Variants in CCDC88C observed in about 807,000 individuals in gnomAD.
CCDC88C encodes the protein coiled-coil and HOOK domain protein 88C, also known as protein Daple.
CCDC88C carries 131 observed loss-of-function variants against 198.8 expected under a neutral mutation model. That is an observed-to-expected ratio of 0.66 (90% CI 0.57 to 0.76). CCDC88C has a LOEUF of 0.76. CCDC88C is among the 30% of genes least tolerant of loss of function. The pLI, the probability that CCDC88C is intolerant of heterozygous loss-of-function variation, is 0.00. For missense variants in CCDC88C, 2,553 were observed against 2,631.6 expected, an observed-to-expected ratio of 0.97 and a Z score of 0.65; for synonymous variants, 1,166 against 1,114.7, an observed-to-expected ratio of 1.05 and a Z score of -0.92.
intron 12 of CCDC88C, among the ~76,000 whole-genome samples, chr14:91,324,297 G>C (rs898476892): frequency 2.0e-5 from 3 of 152,246 alleles, no homozygotes; most frequent in Non-Finnish European, 4.4e-5. Context: ...CTGGGTCTCC[G>C]GGGCAGCAGC....
chr14:91,337,926 C>G, intron 10 of CCDC88C, 79 bp downstream of exon 10: 1 of 1,562,654 alleles, frequency 6.4e-7, no homozygotes, highest in Non-Finnish European at 8.7e-7. Context: ...TCCAAGCCCC[C>G]AAGGACAGGT....
chr14:91,293,550 G>T (rs1412608042), intron 23 of CCDC88C, among the ~76,000 whole-genome samples: 1 of 20,872 alleles, frequency 4.8e-5, no homozygotes, highest in Non-Finnish European at 9.6e-5. Flanking sequence ...CCACCTTCCT[G>T]TCCCCTCGCC....
rs1893165912 is a variant in CCDC88C, at chr14:91,338,649, A to G, written c.810-79T>C. 1.3e-5 allele frequency: 14 copies of G among 1,087,760 alleles called. No individual in the cohort carries two copies. The East Asian group carries it at 3.6e-4, about 28-fold the overall frequency. The allele number at this position is 1,087,760 out of a possible 1,614,324, so 67.4% of individuals were successfully genotyped here. A position where few individuals can be genotyped will look rare whatever the true frequency, so the allele number is the denominator to read the frequency against. On this transcript the variant is annotated intron_variant, in intron 8 of 29. Coordinates refer to ENST00000389857, the MANE Select transcript of CCDC88C (RefSeq NM_001080414.4). The surrounding 1 kb of genome is among the most constrained non-coding windows in gnomAD (Gnocchi z 4.8). Reference sequence around the variant, plus strand: ...CCCTGGGAGCAGGCTGCCACTTCCTAAAACCTGTGGGAAAAGGAAAGGACT... The same window carrying G: ...CCCTGGGAGCAGGCTGCCACTTCCTGAAACCTGTGGGAAAAGGAAAGGACT...
At chr14:91,380,851 C>T (rs181476464) in intron 3 of CCDC88C, among the ~76,000 whole-genome samples, 4 of 152,266 alleles carry the variant, frequency 2.6e-5, no homozygotes, top group East Asian at 1.9e-4. Flanking sequence ...TTGCACGCCC[C>T]GTATCCTCCC....
intron 10 of CCDC88C, among the ~76,000 whole-genome samples, chr14:91,326,275 G>A (rs371672301): frequency 2.6e-5 from 4 of 151,876 alleles, no homozygotes; most frequent in South Asian, 2.1e-4. Context: ...GTGCAGTGGC[G>A]CGATCTCAGC....
At position 91,352,303 on chromosome 14, in the gene CCDC88C, G is replaced by A. The variant is rs1893848694; in HGVS notation, c.340+7339C>T. On this transcript the variant is annotated intron_variant, in intron 4 of 29. Transcript: ENST00000389857. This position sits in a 1 kb window ranked among gnomAD's most constrained non-coding sequence, Gnocchi z 4.2. ...GCAGATCCGCGGGTGCTTGGAGGCC[G>A]GCGTGTGGGCCGCACTGTGACGCTC... is the stretch of plus-strand genomic sequence containing the variant. Among the ~76,000 whole-genome samples, 1 of 152,294 alleles carries A rather than the reference G, an allele frequency of 6.6e-6. No homozygotes were observed. Among genetic ancestry groups the A allele is most frequent in the African/African-American group, 2.4e-5 (1 of 41,556 alleles).
Position 91,417,752 on chromosome 14 carries a change from G to GGCACAAAACGGCTCCGCA in CCDC88C, c.-80_-63dup. 7.4e-7 allele frequency: 1 copy of GGCACAAAACGGCTCCGCA among 1,342,732 alleles called. No homozygotes were observed. Among genetic ancestry groups the GGCACAAAACGGCTCCGCA allele is most frequent in the South Asian group, 1.5e-5 (1 of 68,058 alleles). 83.2% of individuals were successfully genotyped at this position (1,342,732 alleles called of 1,614,324 possible). On this transcript the variant is annotated 5_prime_UTR_variant, in exon 1 of 30. Transcript: ENST00000389857. Reference sequence around the variant, plus strand: ...CCGCGTCCCCGTTCCCCCGCGCCGCGGCACAAAACGGCTCCGCAGCGAGCA... The same window carrying GGCACAAAACGGCTCCGCA: ...CCGCGTCCCCGTTCCCCCGCGCCGCGGCACAAAACGGCTCCGCAGCACAAAACGGCTCCGCAGCGAGCA...
intron 22 of CCDC88C, 64 bp from the exon 23 acceptor site, chr14:91,294,382 T>C: frequency 6.4e-7 from 1 of 1,568,322 alleles, no homozygotes; most frequent in Non-Finnish European, 8.7e-7. Context: ...GCTGGGAACC[T>C]AGCTCCCAAA....
chr14:91,407,967 G>T (rs1306229778), intron 3 of CCDC88C, among the ~76,000 whole-genome samples: 1 of 152,170 alleles, frequency 6.6e-6, no homozygotes, highest in African/African-American at 2.4e-5. Context: ...TTTAGTAGAG[G>T]TGGGGTTTCA....
chr14:91,279,079 T>G (rs1357929492), intron 28 of CCDC88C, among the ~76,000 whole-genome samples, 159 bp downstream of exon 28: 1 of 151,980 alleles, frequency 6.6e-6, no homozygotes, highest in East Asian at 1.9e-4. Context: ...TTTTTTATTT[T>G]TTTAGAGATG....
chr14:91,301,974 G>A (rs1891315027), intron 20 of CCDC88C, among the ~76,000 whole-genome samples: 1 of 152,182 alleles, frequency 6.6e-6, no homozygotes, highest in Admixed American at 6.5e-5. Flanking sequence ...AAAAGAGGCA[G>A]AAGATGCTAC....
chr14:91,275,472 C>T (rs901997183), intron 29 of CCDC88C, among the ~76,000 whole-genome samples: 1 of 151,872 alleles, frequency 6.6e-6, no homozygotes, highest in African/African-American at 2.4e-5. Flanking sequence ...TCCATTAGAC[C>T]AGCAGTTCTT....
At position 91,358,476 on chromosome 14, in the gene CCDC88C, C is replaced by T. The variant is rs548946131; in HGVS notation, c.340+1166G>A. 7.9e-5 allele frequency among the ~76,000 whole-genome samples: 12 copies of T among 152,316 alleles called. No homozygotes were observed. In the East Asian group the frequency reaches 1.5e-3, roughly 20 times the overall value. On this transcript the variant is annotated intron_variant, in intron 4 of 29. Coordinates refer to ENST00000389857, the MANE Select transcript of CCDC88C (RefSeq NM_001080414.4). ...GGTCTCCATCAGAACAAGGGAAGTCCTAGCCAGCGAGTAACTCTGTCCCTG... is the reference window on the plus strand; with the variant it reads ...GGTCTCCATCAGAACAAGGGAAGTCTTAGCCAGCGAGTAACTCTGTCCCTG...
intron 3 of CCDC88C, among the ~76,000 whole-genome samples, chr14:91,396,204 C>T (rs982292684): frequency 4.6e-5 from 7 of 152,216 alleles, no homozygotes; most frequent in African/African-American, 1.2e-4. Flanking sequence ...GCCGGCTTCA[C>T]GGAGAGGCAG....
intron 3 of CCDC88C, among the ~76,000 whole-genome samples, chr14:91,384,142 ACT>A (rs1157721437): frequency 6.6e-6 from 1 of 151,518 alleles, no homozygotes; most frequent in Non-Finnish European, 1.5e-5. Context: ...TTATCCAAAA[ACT>A]CTCAGGTGGA....
intron 3 of CCDC88C, among the ~76,000 whole-genome samples, chr14:91,377,810 CCT>C (rs1884532888): frequency 6.6e-6 from 1 of 152,154 alleles, no homozygotes; most frequent in Non-Finnish European, 1.5e-5. Flanking sequence ...TCTGGTTGCC[CCT>C]CTGTGGGGAC....
Position 91,339,606 on chromosome 14 carries a change from G to A in CCDC88C, c.625-144C>T, listed in dbSNP as rs571555580. ...ACGAGGAGGAAGGTGGGAAAAGGCT[G>A]GCATGGGTTTTGAAAAGAGGTGAAA... On this transcript the variant is annotated intron_variant, in intron 7 of 29. Transcript: ENST00000389857. This position sits in a 1 kb window ranked among gnomAD's most constrained non-coding sequence, Gnocchi z 5.8. The A allele has an allele frequency of 3.7e-5, 33 of 899,848 alleles. No homozygotes were observed. The highest frequency in any genetic ancestry group is 1.4e-4 in the Admixed American group (5 of 34,888). 55.7% of individuals were successfully genotyped at this position (899,848 alleles called of 1,614,324 possible).
intron 3 of CCDC88C, among the ~76,000 whole-genome samples, chr14:91,367,186 C>T (rs569851383): frequency 8.1e-4 from 123 of 152,290 alleles, no homozygotes; most frequent in Non-Finnish European, 1.4e-3. Context: ...CCACAGGATG[C>T]CCCTCATGTG....
At position 91,286,788 on chromosome 14, in the gene CCDC88C, A is replaced by AAC. The variant is rs1451979464; in HGVS notation, c.4441+2316_4441+2317insGT. 2.0e-5 allele frequency among the ~76,000 whole-genome samples: 3 copies of AAC among 152,182 alleles called. No individual in the cohort carries two copies. The East Asian group carries it at 5.8e-4, about 29-fold the overall frequency. ...TCCATGCAGTTAAGTGCATGCAGTT[A>AAC]AGAGCTCAGGCTCCGGAGTGCGGCC... is the stretch of plus-strand genomic sequence containing the variant. On this transcript the variant is annotated intron_variant, in intron 25 of 29. Coordinates refer to ENST00000389857, the MANE Select transcript of CCDC88C (RefSeq NM_001080414.4).
Sources: allele counts gnomAD v4.1 joint callset (sites outside exome capture counted in the v4.1 genomes callset), GRCh38; gene constraint gnomAD v4.1.1; non-coding constraint Gnocchi (gnomAD v3.1); transcripts MANE v1.5; gene names NCBI Gene and HGNC (gene_info 2026-07-23, HGNC 2026-07-21).